The following EML4 variants were observed in gnomAD, a reference collection of about 807,000 sequenced individuals.
EML4 encodes the protein EMAP like 4.
A neutral mutation model predicts 129.0 loss-of-function variants in EML4; 72 were observed. The observed-to-expected ratio is 0.56, with a 90% CI of 0.46 to 0.68. The LOEUF (loss-of-function observed/expected upper bound fraction) is 0.68, where lower values mean the gene tolerates loss of function less well. Among genes scored for constraint, EML4 ranks in the 30% least tolerant of loss-of-function variants. The probability of loss-of-function intolerance (pLI) is 0.00; values close to 1 mark genes in which losing one functional copy is unlikely to be tolerated. For synonymous variants in EML4, 532 were observed against 405.0 expected, an observed-to-expected ratio of 1.31 and a Z score of -3.77; for missense variants, 1,363 against 1,190.6, an observed-to-expected ratio of 1.14 and a Z score of -2.13.
chr2:42,185,950 G>C (rs935565283), intron 1 of EML4, among the ~76,000 whole-genome samples: 3 of 152,076 alleles, frequency 2.0e-5, no homozygotes, highest in African/African-American at 4.8e-5. Context: ...AAATCTACAA[G>C]ACTCTGTTAT....
rs1674604934 is a variant in EML4, at chr2:42,235,421, C to A, written c.26-10084C>A. On this transcript the variant is annotated intron_variant, in intron 1 of 22. Coordinates refer to ENST00000318522, the MANE Select transcript of EML4 (RefSeq NM_019063.5). ...GAGGTTGCAGTGAGCTGAGATCATG[C>A]CACCGTACTCCAGCCTGGGCAACAG... 2.6e-5 allele frequency among the ~76,000 whole-genome samples: 4 copies of A among 152,140 alleles called. No homozygotes were observed. In the South Asian group the frequency reaches 8.3e-4, roughly 32 times the overall value.
chr2:42,176,836 C>G (rs1180826829), intron 1 of EML4, among the ~76,000 whole-genome samples: 1 of 152,094 alleles, frequency 6.6e-6, no homozygotes, highest in East Asian at 1.9e-4. Context: ...CTTTGTCGCC[C>G]AGGCTGGAGT....
chr2:42,220,177 C>T (rs149448366), intron 1 of EML4, among the ~76,000 whole-genome samples: 151 of 151,252 alleles, frequency 1.0e-3, no homozygotes, highest in African/African-American at 3.6e-3. Context: ...TTATCCATAT[C>T]AAATTCAGGC....
intron 13 of EML4, among the ~76,000 whole-genome samples, chr2:42,296,030 A>C (rs1016971205): frequency 2.0e-5 from 3 of 152,296 alleles, no homozygotes; most frequent in East Asian, 1.9e-4. Flanking sequence ...ATTTATTCTT[A>C]AGTTTTATTT....
intron 1 of EML4, among the ~76,000 whole-genome samples, chr2:42,242,745 G>C (rs538686437): frequency 1.5e-5 from 2 of 137,500 alleles, no homozygotes; most frequent in Non-Finnish European, 3.1e-5. Context: ...GTCTCGTCTC[G>C]TCTCTTCTTT....
intron 1 of EML4, among the ~76,000 whole-genome samples, chr2:42,195,738 A>C (rs1028850801): frequency 1.3e-5 from 2 of 152,214 alleles, no homozygotes; most frequent in Admixed American, 1.3e-4. Flanking sequence ...TATTTGGTTC[A>C]AGATGACTCA....
chr2:42,178,210 A>G (rs988903978), intron 1 of EML4, among the ~76,000 whole-genome samples: 12 of 152,300 alleles, frequency 7.9e-5, no homozygotes, highest in African/African-American at 2.9e-4. Context: ...TGGTAGGGCT[A>G]GGGTATGTTT....
At chr2:42,264,754 AATTTT>A (rs1665956635) in intron 6 of EML4, 23 bp downstream of exon 6, 1 of 1,466,602 alleles carries the variant, frequency 6.8e-7, no homozygotes, top group Admixed American at 1.9e-5. Context: ...TCCTTTTAAA[AATTTT>A]ATTTTGCCCT....
At chr2:42,315,690 A>G (rs1316387633) in intron 17 of EML4, among the ~76,000 whole-genome samples, 1 of 152,152 alleles carries the variant, frequency 6.6e-6, no homozygotes, top group African/African-American at 2.4e-5. Context: ...CCCAGATAAC[A>G]TAGTAAGACC....
At chr2:42,306,660 ATTT>A (rs139564809) in intron 17 of EML4, among the ~76,000 whole-genome samples, 67 of 143,156 alleles carry the variant, frequency 4.7e-4, no homozygotes, top group Middle Eastern at 3.6e-3. Context: ...CGCCTGGCTA[ATTT>A]TTTTTTTTTT....
chr2:42,263,396 A>ATAT, intron 5 of EML4, 90 bp downstream of exon 5: 1 of 449,372 alleles, frequency 2.2e-6, no homozygotes, highest in African/African-American at 2.4e-5. Context: ...TCTGGTTTGA[A>ATAT]TCTTTTTTTT....
chr2:42,308,842 C>T (rs568188777), intron 17 of EML4, among the ~76,000 whole-genome samples: 9 of 151,652 alleles, frequency 5.9e-5, no homozygotes, highest in East Asian at 2.0e-4. Context: ...AATCATATAA[C>T]GTGAAGTTTT....
intron 1 of EML4, among the ~76,000 whole-genome samples, chr2:42,213,451 C>T (rs1172815553): frequency 1.3e-5 from 2 of 152,078 alleles, no homozygotes; most frequent in Non-Finnish European, 2.9e-5. Flanking sequence ...GTCCATTTAC[C>T]CAGTCTCCTG....
At chr2:42,299,929 A>G (rs1159535452) in intron 13 of EML4, among the ~76,000 whole-genome samples, 1 of 152,066 alleles carries the variant, frequency 6.6e-6, no homozygotes, top group Non-Finnish European at 1.5e-5. Context: ...CAGGTGATCC[A>G]CCCACCTCGG....
At chr2:42,173,468 G>C (rs1375343820) in intron 1 of EML4, among the ~76,000 whole-genome samples, 1 of 152,106 alleles carries the variant, frequency 6.6e-6, no homozygotes, top group Non-Finnish European at 1.5e-5. Flanking sequence ...ATCGAACATG[G>C]GCTAGCACTA....
chr2:42,186,230 A>T (rs1249683848), intron 1 of EML4, among the ~76,000 whole-genome samples: 1 of 152,180 alleles, frequency 6.6e-6, no homozygotes, highest in Non-Finnish European at 1.5e-5. Context: ...AAATAAGGAG[A>T]TGCCGAACTA....
intron 9 of EML4, 21 bp downstream of exon 9, chr2:42,284,724 C>G (rs1017350213): frequency 1.3e-6 from 2 of 1,560,402 alleles, no homozygotes; most frequent in African/African-American, 1.4e-5. Context: ...TAGTGTTATG[C>G]CTTCTGTACC....
At chr2:42,200,224 C>T (rs1052504097) in intron 1 of EML4, among the ~76,000 whole-genome samples, 2 of 151,068 alleles carry the variant, frequency 1.3e-5, no homozygotes, top group Non-Finnish European at 1.5e-5. Context: ...ACTCGGGAGG[C>T]TGAGGCAGGA....
At chr2:42,239,472 G>A (rs986905327) in intron 1 of EML4, among the ~76,000 whole-genome samples, 5 of 152,130 alleles carry the variant, frequency 3.3e-5, no homozygotes, top group Non-Finnish European at 7.4e-5. Context: ...TAAAGTTTAC[G>A]AAGTCACATG....
Sources: gnomAD v4.1 joint callset for allele counts (sites outside exome capture counted in the v4.1 genomes callset) on GRCh38, gnomAD v4.1.1 for gene constraint, MANE v1.5 for transcripts, NCBI Gene and HGNC (gene_info 2026-07-23, HGNC 2026-07-21) for gene names.